The following JAKMIP1 variants were observed in gnomAD, a reference collection of about 807,000 sequenced individuals.
JAKMIP1 encodes janus kinase and microtubule-interacting protein 1.
JAKMIP1 carries 33 observed loss-of-function variants against 113.0 expected under a neutral mutation model. The ratio of observed to expected loss-of-function variants is 0.29; its 90% CI spans 0.22 to 0.39. The LOEUF is 0.39. JAKMIP1 is among the 10% of genes least tolerant of loss of function. The probability of loss-of-function intolerance (pLI) is 1.00; values close to 1 mark genes in which losing one functional copy is unlikely to be tolerated. For synonymous variants in JAKMIP1, 480 were observed against 459.9 expected, an observed-to-expected ratio of 1.04 and a Z score of -0.56; for missense variants, 813 against 1,080.5, an observed-to-expected ratio of 0.75 and a Z score of 3.47.
rs2108955514 is a variant in JAKMIP1 at position 6,139,047 on chromosome 4, T to A, written c.-147-26050A>T. Among the ~76,000 whole-genome samples the A allele has an allele frequency of 7.1e-6, 1 of 140,334 alleles. No individual in the cohort carries two copies. The highest frequency in any genetic ancestry group is 2.1e-4 in the East Asian group (1 of 4,734). The allele number at this position is 140,334 out of a possible 152,430, so 92.1% of individuals were successfully genotyped here. ...AAGCTGTTATTGTTTGCATGTGACA[T>A]CATTAGAAACACACACACACACACA... On this transcript the variant is annotated intron_variant, in intron 1 of 20. Coordinates refer to ENST00000409021, the MANE Select transcript of JAKMIP1 (RefSeq NM_001099433.2). This position sits in a 1 kb window ranked among gnomAD's most constrained non-coding sequence, Gnocchi z 5.2.
Position 6,113,008 on chromosome 4 carries a change from G to A in JAKMIP1, c.-147-11C>T. ...CCATCACTTGGGATCCTGAAGGAAG[G>A]AGGGAAACTGAGTTAGCAGAGACAG... On this transcript the variant is annotated splice_polypyrimidine_tract_variant and intron_variant, in intron 1 of 20. Transcript: ENST00000409021. The A allele has an allele frequency of 8.8e-7, 1 of 1,132,204 alleles. No individual in the cohort carries two copies. The highest frequency in any genetic ancestry group is 1.2e-6 in the Non-Finnish European group (1 of 826,898). The allele number at this position is 1,132,204 out of a possible 1,614,324, so 70.1% of individuals were successfully genotyped here. A position where few individuals can be genotyped will look rare whatever the true frequency, so the allele number is the denominator to read the frequency against.
chr4:6,198,132 T>C (rs1423671593), intron 1 of JAKMIP1, among the ~76,000 whole-genome samples: 1 of 152,216 alleles, frequency 6.6e-6, no homozygotes, highest in African/African-American at 2.4e-5. Context: ...CAAGATCTGC[T>C]TAAGGAAAAA....
At chr4:6,146,227 G>A (rs1414986132) in intron 1 of JAKMIP1, among the ~76,000 whole-genome samples, 2 of 42,704 alleles carry the variant, frequency 4.7e-5, no homozygotes, top group Non-Finnish European at 1.0e-4. Flanking sequence ...GCTGCCAGGG[G>A]CTGGGGGGAG....
chr4:6,120,180 C>CTT (rs11370537), intron 1 of JAKMIP1, among the ~76,000 whole-genome samples: 2,449 of 146,730 alleles, frequency 0.017, 33 homozygotes, highest in African/African-American at 0.027. Context: ...TCTAGCCACA[C>CTT]TTTTTTTTTT....
In JAKMIP1 at chr4:6,081,987, T is replaced by C. The variant is rs540675195; in HGVS notation, c.955-232A>G. 5.9e-5 allele frequency among the ~76,000 whole-genome samples: 9 copies of C among 152,158 alleles called. No individual in the cohort carries two copies. The highest frequency in any genetic ancestry group is 2.0e-4 in the Admixed American group (3 of 15,274). On this transcript the variant is annotated intron_variant, in intron 5 of 20. Coordinates refer to ENST00000409021, the MANE Select transcript of JAKMIP1 (RefSeq NM_001099433.2). This position sits in a 1 kb window ranked among gnomAD's most constrained non-coding sequence, Gnocchi z 4.6. The stretch of plus-strand genomic sequence containing the variant: ...CTGTCTCCTAGGCACATGGTGAGAA[T>C]TGAATGCATAGTGGTAGTCTCCCAG...
At chr4:6,134,188 T>C (rs1269737876) in intron 1 of JAKMIP1, among the ~76,000 whole-genome samples, 1 of 152,210 alleles carries the variant, frequency 6.6e-6, no homozygotes, top group Non-Finnish European at 1.5e-5. Context: ...CTCCTTCACA[T>C]ACTCGCTGTC....
Position 6,199,284 on chromosome 4 carries a change from G to A in JAKMIP1, c.-148+969C>T, listed in dbSNP as rs1728187474. ...GAGCCGAGGCTGGCCCAGCCTTCAG[G>A]AGACCGGCGAGCTGGGGTGTGTGGG... is the stretch of plus-strand genomic sequence containing the variant. On this transcript the variant is annotated intron_variant, in intron 1 of 20. Transcript: ENST00000409021. This position sits in a 1 kb window ranked among gnomAD's most constrained non-coding sequence, Gnocchi z 5.6. Among the ~76,000 whole-genome samples, 1 of 152,240 alleles carries A rather than the reference G, an allele frequency of 6.6e-6. No individual in the cohort carries two copies. Among genetic ancestry groups the A allele is most frequent in the Admixed American group, 6.5e-5 (1 of 15,292 alleles).
rs898074893 is a variant in JAKMIP1, at chr4:6,061,611, T to C, written c.1560+701A>G. 2.0e-5 allele frequency among the ~76,000 whole-genome samples: 3 copies of C among 151,706 alleles called. No individual in the cohort carries two copies. Among genetic ancestry groups the C allele is most frequent in the African/African-American group, 7.3e-5 (3 of 41,348 alleles). On this transcript the variant is annotated intron_variant, in intron 10 of 20. Transcript: ENST00000409021. The surrounding 1 kb of genome is among the most constrained non-coding windows in gnomAD (Gnocchi z 5.3). ...CATCATCTGGGTATTTGGGGGCAAG[T>C]TGCTCAGTTCTGAGCCTGTTTCCTC...
In JAKMIP1 at chr4:6,140,735, TG is replaced by T. The variant is rs1720022618; in HGVS notation, c.-147-27739del. On this transcript the variant is annotated intron_variant, in intron 1 of 20. Transcript: ENST00000409021. This position sits in a 1 kb window ranked among gnomAD's most constrained non-coding sequence, Gnocchi z 9.4. Reference sequence around the variant, plus strand: ...GGATGACAAAGTATCCCAGATAACTTGGTAGAATAATATTTCTCTCGTCTGG... The same window carrying T: ...GGATGACAAAGTATCCCAGATAACTTGTAGAATAATATTTCTCTCGTCTGG... Among the ~76,000 whole-genome samples, 1 of 152,152 alleles carries T rather than the reference TG, an allele frequency of 6.6e-6. No individual in the cohort carries two copies. The highest frequency in any genetic ancestry group is 1.5e-5 in the Non-Finnish European group (1 of 68,036).
Position 6,120,475 on chromosome 4 carries a change from T to C in JAKMIP1, c.-147-7478A>G, listed in dbSNP as rs192181031. 1.5e-3 allele frequency among the ~76,000 whole-genome samples: 221 copies of C among 152,274 alleles called. 3 individuals are homozygous for C. Among genetic ancestry groups the C allele is most frequent in the Admixed American group, 2.7e-3 (41 of 15,294 alleles). The stretch of plus-strand genomic sequence containing the variant: ...AAATAACCTCAGGACCCAAAAGTTA[T>C]TGATGGCTGAATGAGCAAAGGCACA... On this transcript the variant is annotated intron_variant, in intron 1 of 20. Coordinates refer to ENST00000409021, the MANE Select transcript of JAKMIP1 (RefSeq NM_001099433.2).
chr4:6,079,077 C>T (rs2108817196), intron 7 of JAKMIP1, 79 bp from the exon 8 acceptor site: 1 of 1,492,414 alleles, frequency 6.7e-7, no homozygotes, highest in East Asian at 2.3e-5. Context: ...TCAAAGGGAG[C>T]TGGGCCTGCC....
chr4:6,097,263 T>C lies in JAKMIP1; in HGVS notation c.624+8210A>G, dbSNP rs1711960753. Among the ~76,000 whole-genome samples, 1 of 152,220 alleles carries C rather than the reference T, an allele frequency of 6.6e-6. No homozygotes were observed. The highest frequency in any genetic ancestry group is 2.1e-4 in the South Asian group (1 of 4,834). ...CCTCCCACCTCAGCCTCCTGATGTA[T>C]TGGGATTACAGTCATGAGCCATCTC... On this transcript the variant is annotated intron_variant, in intron 3 of 20. Coordinates refer to ENST00000409021, the MANE Select transcript of JAKMIP1 (RefSeq NM_001099433.2). This position sits in a 1 kb window ranked among gnomAD's most constrained non-coding sequence, Gnocchi z 4.3.
intron 9 of JAKMIP1, among the ~76,000 whole-genome samples, chr4:6,062,768 T>C (rs1326993472): frequency 6.6e-6 from 1 of 152,184 alleles, no homozygotes; most frequent in Non-Finnish European, 1.5e-5. Flanking sequence ...GCTGGTACCA[T>C]GGAACCAGCC....
At position 6,065,047 on chromosome 4, in the gene JAKMIP1, G is replaced by A. The variant is rs773195473; in HGVS notation, c.1303-39C>T. The A allele has an allele frequency of 3.1e-6, 5 of 1,613,014 alleles. No homozygotes were observed. Among genetic ancestry groups the A allele is most frequent in the Non-Finnish European group, 4.2e-6 (5 of 1,179,638 alleles). On this transcript the variant is annotated intron_variant, in intron 8 of 20. Transcript: ENST00000409021. The surrounding 1 kb of genome is among the most constrained non-coding windows in gnomAD (Gnocchi z 5.1). ...TTTGTATGATGTTAGCAACGACTGA[G>A]GATTGCCAGAGTCTACCAGTCCCTG...
intron 12 of JAKMIP1, among the ~76,000 whole-genome samples, chr4:6,054,594 G>A (rs1417770818): frequency 6.6e-6 from 1 of 152,104 alleles, no homozygotes; most frequent in Non-Finnish European, 1.5e-5. Context: ...CTGCGGCAGG[G>A]AGGGCCCCTC....
At position 6,168,107 on chromosome 4, in the gene JAKMIP1, C is replaced by G. The variant is rs73200256; in HGVS notation, c.-148+32146G>C. Among the ~76,000 whole-genome samples, 2,137 of 152,298 alleles carry G rather than the reference C, an allele frequency of 0.014. 37 individuals are homozygous for G. Among genetic ancestry groups the G allele is most frequent in the Middle Eastern group, 0.034 (10 of 294 alleles). ...CAGTGAGACGGCACCACACACCACCCAGGACGGCTGCAATCAAAAAAGCGC... is the reference window on the plus strand; with the variant it reads ...CAGTGAGACGGCACCACACACCACCGAGGACGGCTGCAATCAAAAAAGCGC... On this transcript the variant is annotated intron_variant, in intron 1 of 20. Transcript: ENST00000409021. This position sits in a 1 kb window ranked among gnomAD's most constrained non-coding sequence, Gnocchi z 4.6.
chr4:6,155,234 C>T lies in JAKMIP1; in HGVS notation c.-147-42237G>A, dbSNP rs768738540. ...TGTGCCCACGAGGAGGACGAATGCT[C>T]CTCCTAAGGAGGAAACAACATTCCC... On this transcript the variant is annotated intron_variant, in intron 1 of 20. Transcript: ENST00000409021. This position sits in a 1 kb window ranked among gnomAD's most constrained non-coding sequence, Gnocchi z 6.1. Among the ~76,000 whole-genome samples, 30 of 152,208 alleles carry T rather than the reference C, an allele frequency of 2.0e-4. No individual in the cohort carries two copies. The highest frequency in any genetic ancestry group is 3.2e-4 in the Non-Finnish European group (22 of 68,006).
At position 6,031,909 on chromosome 4, in the gene JAKMIP1, A is replaced by T. The variant is rs1712724872; in HGVS notation, c.2380-2128T>A. 1.3e-5 allele frequency among the ~76,000 whole-genome samples: 2 copies of T among 152,204 alleles called. No homozygotes were observed. Among genetic ancestry groups the T allele is most frequent in the Non-Finnish European group, 2.9e-5 (2 of 68,032 alleles). On this transcript the variant is annotated intron_variant, in intron 19 of 20. Coordinates refer to ENST00000409021, the MANE Select transcript of JAKMIP1 (RefSeq NM_001099433.2). This position sits in a 1 kb window ranked among gnomAD's most constrained non-coding sequence, Gnocchi z 4.4. Reference sequence around the variant, plus strand: ...AGCAGAGCTTGGCATTGAGCACTCCATATGTTATTTTTTTAAACTGATAAT... The same window carrying T: ...AGCAGAGCTTGGCATTGAGCACTCCTTATGTTATTTTTTTAAACTGATAAT...
In JAKMIP1 at chr4:6,066,677, C is replaced by T. The variant is rs1207957393; in HGVS notation, c.1303-1669G>A. Among the ~76,000 whole-genome samples the T allele has an allele frequency of 4.1e-5, 6 of 146,170 alleles. No individual in the cohort carries two copies. In the South Asian group the frequency reaches 1.3e-3, roughly 31 times the overall value. Reference sequence around the variant, plus strand: ...TCTCCACCTCTCATGCCTGCCCTCCCTGGGAGAAACCCTGTTGTCTTCACC... The same window carrying T: ...TCTCCACCTCTCATGCCTGCCCTCCTTGGGAGAAACCCTGTTGTCTTCACC... On this transcript the variant is annotated intron_variant, in intron 8 of 20. Transcript: ENST00000409021.
Sources: gnomAD v4.1 joint callset for allele counts (sites outside exome capture counted in the v4.1 genomes callset) on GRCh38, gnomAD v4.1.1 for gene constraint, Gnocchi (gnomAD v3.1) non-coding constraint, MANE v1.5 for transcripts, NCBI Gene and HGNC (gene_info 2026-07-23, HGNC 2026-07-21) for gene names.